The following GRID2 variants were observed in gnomAD, a reference collection of about 807,000 sequenced individuals.
The protein encoded by GRID2 is glutamate receptor ionotropic, delta-2.
In GRID2, 33 loss-of-function variants were observed where a neutral mutation model predicts 114.8. That is an observed-to-expected ratio of 0.29 (90% confidence interval 0.22 to 0.38). The LOEUF (loss-of-function observed/expected upper bound fraction) is 0.38, where lower values mean the gene tolerates loss of function less well. Ranked by LOEUF, GRID2 falls within the 10% of genes least tolerant of loss-of-function variation. The pLI is 1.00. For missense variants in GRID2, 1,184 were observed against 1,257.7 expected (o/e 0.94, Z 0.89); for synonymous variants, 505 against 449.9 (o/e 1.12, Z -1.55).
chr4:92,590,543 A>T (rs1254344170), intron 2 of GRID2, among the ~76,000 whole-genome samples: 1 of 152,188 alleles, frequency 6.6e-6, no homozygotes, highest in Non-Finnish European at 1.5e-5. Flanking sequence ...GCTTTGCAAC[A>T]TTTTTATGAC....
intron 2 of GRID2, among the ~76,000 whole-genome samples, chr4:92,951,500 C>G (rs1752036144): frequency 6.6e-6 from 1 of 151,968 alleles, no homozygotes; most frequent in Admixed American, 6.6e-5. Context: ...TCCACCACAA[C>G]TGGCTAATTT....
chr4:93,282,744 T>A (rs1346294950), intron 8 of GRID2, among the ~76,000 whole-genome samples: 2 of 151,962 alleles, frequency 1.3e-5, no homozygotes, highest in Non-Finnish European at 2.9e-5. Flanking sequence ...TGAGGCTAGG[T>A]AATTTATAAA....
chr4:93,213,657 C>T (rs1390706373), intron 5 of GRID2, among the ~76,000 whole-genome samples: 7 of 152,076 alleles, frequency 4.6e-5, no homozygotes, highest in Non-Finnish European at 1.0e-4. Context: ...TTTTGAGAGT[C>T]TTTTCTTCCC....
chr4:92,464,392 A>C (rs925726216), intron 1 of GRID2, among the ~76,000 whole-genome samples: 5 of 152,100 alleles, frequency 3.3e-5, no homozygotes, highest in Admixed American at 3.3e-4. Context: ...GTTCTCTTTA[A>C]TGTTAGAAAT....
chr4:93,523,533 A>C (rs1466607222), intron 13 of GRID2, among the ~76,000 whole-genome samples: 1 of 152,186 alleles, frequency 6.6e-6, no homozygotes, highest in Non-Finnish European at 1.5e-5. Context: ...GATCCATATC[A>C]GTGAGATTTA....
intron 4 of GRID2, among the ~76,000 whole-genome samples, chr4:93,158,997 G>C (rs1737432759): frequency 6.6e-6 from 1 of 150,934 alleles, no homozygotes; most frequent in Non-Finnish European, 1.5e-5. Flanking sequence ...CATTATTCTT[G>C]CCTTATGGAA....
intron 2 of GRID2, among the ~76,000 whole-genome samples, chr4:92,609,270 T>G (rs1356608264): frequency 6.6e-6 from 1 of 151,728 alleles, no homozygotes; most frequent in Non-Finnish European, 1.5e-5. Context: ...TAAGTTTTCA[T>G]TAATTTAATT....
intron 2 of GRID2, among the ~76,000 whole-genome samples, chr4:92,744,860 G>T (rs1185547164): frequency 6.6e-6 from 1 of 152,180 alleles, no homozygotes; most frequent in Non-Finnish European, 1.5e-5. Context: ...ACTGGATTAT[G>T]AATTCTTTAA....
At chr4:93,531,767 TTGCATATTTTATTTC>T (rs1376242257) in intron 13 of GRID2, among the ~76,000 whole-genome samples, 6 of 152,118 alleles carry the variant, frequency 3.9e-5, no homozygotes, top group Admixed American at 2.0e-4. Context: ...ATATTACAGA[TTGCATATTTTATTTC>T]TGCATATTAC....
chr4:93,342,093 C>A (rs1447959711), intron 8 of GRID2, among the ~76,000 whole-genome samples: 1 of 152,116 alleles, frequency 6.6e-6, no homozygotes, highest in African/African-American at 2.4e-5. Context: ...GAGATAGCAT[C>A]TTATACTGCA....
At chr4:93,035,900 C>G (rs1724889577) in intron 2 of GRID2, among the ~76,000 whole-genome samples, 1 of 152,134 alleles carries the variant, frequency 6.6e-6, no homozygotes, top group Non-Finnish European at 1.5e-5. Flanking sequence ...TTAAGCCCAG[C>G]AGAATCTCAA....
intron 1 of GRID2, among the ~76,000 whole-genome samples, chr4:92,532,562 G>A (rs1006740397): frequency 1.3e-5 from 2 of 152,028 alleles, no homozygotes; most frequent in Non-Finnish European, 2.9e-5. Flanking sequence ...ATTCAATTAT[G>A]TTTATAATTG....
At chr4:93,344,660 T>C (rs1318454451) in intron 8 of GRID2, among the ~76,000 whole-genome samples, 1 of 148,330 alleles carries the variant, frequency 6.7e-6, no homozygotes, top group Non-Finnish European at 1.5e-5. Context: ...ATATTTACAG[T>C]ATATTTTTAT....
rs982420800 is a variant in GRID2, at chr4:92,937,488, C to G, written c.245-147507C>G. Among the ~76,000 whole-genome samples, 2 of 146,422 alleles carry G rather than the reference C, an allele frequency of 1.4e-5. 1 individual carries two copies. Among genetic ancestry groups the G allele is most frequent in the Non-Finnish European group, 3.0e-5 (2 of 66,180 alleles). Reference sequence around the variant, plus strand: ...TGGTCTTGGCACCCATGTCAACAACCAGTTGACCATAGGCCCCTGGGTTTA... The same window carrying G: ...TGGTCTTGGCACCCATGTCAACAACGAGTTGACCATAGGCCCCTGGGTTTA... On this transcript the variant is annotated intron_variant, in intron 2 of 15. Transcript: ENST00000282020.
chr4:93,300,823 A>G (rs1354996968), intron 8 of GRID2, among the ~76,000 whole-genome samples: 1 of 152,328 alleles, frequency 6.6e-6, no homozygotes, highest in South Asian at 2.1e-4. Flanking sequence ...AAGATTTCAC[A>G]TGAAAGTGTT....
chr4:93,373,982 A>G (rs1039932324), intron 8 of GRID2, among the ~76,000 whole-genome samples: 2 of 152,278 alleles, frequency 1.3e-5, no homozygotes, highest in Non-Finnish European at 1.5e-5. Context: ...TGATACTAGT[A>G]TGTGTTGTCT....
rs549650325 is a variant in GRID2, at chr4:93,693,721, G to A, written c.2360+67286G>A. On this transcript the variant is annotated intron_variant, in intron 14 of 15. Coordinates refer to ENST00000282020, the MANE Select transcript of GRID2 (RefSeq NM_001510.4). The stretch of plus-strand genomic sequence containing the variant: ...AAACAAACTAAGAGATTTAATTTTC[G>A]CCATTAGTCGAGGACCACAGTAATT... Among the ~76,000 whole-genome samples the A allele has an allele frequency of 7.2e-5, 11 of 152,022 alleles. 1 individual carries two copies. The South Asian group carries it at 1.5e-3, about 20-fold the overall frequency.
intron 1 of GRID2, among the ~76,000 whole-genome samples, chr4:92,401,704 T>A (rs1043658555): frequency 4.6e-5 from 7 of 152,220 alleles, no homozygotes; most frequent in African/African-American, 1.7e-4. Context: ...GACTATCATC[T>A]GAGCATTCAT....
chr4:93,298,513 C>A (rs935469106), intron 8 of GRID2, among the ~76,000 whole-genome samples: 1 of 152,194 alleles, frequency 6.6e-6, no homozygotes, highest in Admixed American at 6.5e-5. Flanking sequence ...CCCAAAGACC[C>A]TTTTAGCACA....
Sources: gnomAD v4.1 joint callset for allele counts (sites outside exome capture counted in the v4.1 genomes callset) on GRCh38, gnomAD v4.1.1 for gene constraint, MANE v1.5 for transcripts, NCBI Gene and HGNC (gene_info 2026-07-23, HGNC 2026-07-21) for gene names.